Variants in ENTREP2 observed in about 807,000 individuals in gnomAD.
The protein encoded by ENTREP2 is endosomal transmembrane epsin interactor 2, also known as protein ENTREP2.
the ENTREP2 span, chr15:29,120,520 G>A: frequency 6.6e-6 from 1 of 152,228 alleles, no homozygotes; most frequent in Non-Finnish European, 1.5e-5. Flanking sequence ...CCTTGCGGAT[G>A]ATGCTCCCCC....
chr15:29,355,764 C>G, the ENTREP2 span, among the ~76,000 whole-genome samples: 1 of 152,064 alleles, frequency 6.6e-6, no homozygotes, highest in Non-Finnish European at 1.5e-5. Context: ...ATATATATCA[C>G]CCATGTCCCC....
the ENTREP2 span, among the ~76,000 whole-genome samples, chr15:29,590,461 TC>T: frequency 6.6e-6 from 1 of 152,060 alleles, no homozygotes; most frequent in African/African-American, 2.4e-5. Flanking sequence ...GGTGGGCAGA[TC>T]ACCTGAGGTC....
chr15:29,330,563 T>C, the ENTREP2 span, among the ~76,000 whole-genome samples: 2 of 152,182 alleles, frequency 1.3e-5, no homozygotes, highest in Admixed American at 6.5e-5. Context: ...TACGTAACAC[T>C]GACCAGTACT....
At chr15:29,623,104 G>A in the ENTREP2 span, among the ~76,000 whole-genome samples, 1 of 152,166 alleles carries the variant, frequency 6.6e-6, no homozygotes, top group Non-Finnish European at 1.5e-5. Context: ...AAAGAGTTAT[G>A]GGAGAAGGTG....
At chr15:29,253,785 T>A in the ENTREP2 span, among the ~76,000 whole-genome samples, 1 of 152,108 alleles carries the variant, frequency 6.6e-6, no homozygotes, top group Non-Finnish European at 1.5e-5. Context: ...TTTTTAATGA[T>A]GACAGACTCA....
chr15:29,339,304 G>A, the ENTREP2 span, among the ~76,000 whole-genome samples: 10 of 152,256 alleles, frequency 6.6e-5, no homozygotes, highest in African/African-American at 2.4e-4. Context: ...GGAGAAGGGG[G>A]TCAAATAAGG....
chr15:29,631,659 G>A, the ENTREP2 span, among the ~76,000 whole-genome samples: 3,555 of 152,304 alleles, frequency 0.023, 50 homozygotes, highest in Middle Eastern at 0.1. Context: ...TCTAGGCAGG[G>A]CTTAAAGAAT....
the ENTREP2 span, among the ~76,000 whole-genome samples, chr15:29,642,569 T>TAC: frequency 0.043 from 6,242 of 144,772 alleles, 147 homozygotes; most frequent in South Asian, 0.061. Flanking sequence ...ATATACTATA[T>TAC]ACTATATATA....
At chr15:29,434,237 G>GT in the ENTREP2 span, among the ~76,000 whole-genome samples, 5 of 152,326 alleles carry the variant, frequency 3.3e-5, no homozygotes, top group Admixed American at 3.3e-4. Context: ...CTATGAGCGA[G>GT]TATCTATGCA....
the ENTREP2 span, chr15:29,610,132 T>G: frequency 6.6e-6 from 1 of 150,666 alleles, no homozygotes. Flanking sequence ...AGAGTGGAGA[T>G]GCCTTTGTTG....
chr15:29,477,675 G>C, the ENTREP2 span, among the ~76,000 whole-genome samples: 1 of 152,110 alleles, frequency 6.6e-6, no homozygotes, highest in Admixed American at 6.6e-5. Flanking sequence ...AGGGGACCCT[G>C]TCCATCTCAG....
the ENTREP2 span, among the ~76,000 whole-genome samples, chr15:29,378,212 T>TA: frequency 0.37 from 54,243 of 145,422 alleles, 11,241 homozygotes; most frequent in African/African-American, 0.59. Context: ...TAAAAACTCT[T>TA]AAAAAAAAAA....
At chr15:29,201,226 AGTTAT>A in the ENTREP2 span, among the ~76,000 whole-genome samples, 4 of 152,246 alleles carry the variant, frequency 2.6e-5, no homozygotes, top group East Asian at 5.8e-4. Flanking sequence ...AAACAGAGTT[AGTTAT>A]ATTTGTTCTT....
the ENTREP2 span, among the ~76,000 whole-genome samples, chr15:29,620,567 G>A: frequency 6.6e-6 from 1 of 151,998 alleles, no homozygotes; most frequent in Non-Finnish European, 1.5e-5. Context: ...GAGCTCAGGA[G>A]TTCCAGGCTC....
chr15:29,376,168 G>A, the ENTREP2 span: 1 of 151,608 alleles, frequency 6.6e-6, no homozygotes, highest in Admixed American at 6.6e-5. Context: ...TCAACTCCAT[G>A]GTTATTAGTT....
chr15:29,151,661 G>A, the ENTREP2 span: 2 of 1,226,328 alleles, frequency 1.6e-6, no homozygotes, highest in Non-Finnish European at 2.3e-6. Context: ...CACAGCATCT[G>A]GCTGAAGCCA....
the ENTREP2 span, among the ~76,000 whole-genome samples, chr15:29,584,329 A>G: frequency 6.6e-6 from 1 of 152,222 alleles, no homozygotes; most frequent in East Asian, 1.9e-4. Flanking sequence ...TATATCTTGA[A>G]GAGATATCTG....
the ENTREP2 span, among the ~76,000 whole-genome samples, chr15:29,416,413 A>G: frequency 6.6e-6 from 1 of 152,260 alleles, no homozygotes; most frequent in Non-Finnish European, 1.5e-5. Flanking sequence ...TCCCTATTTA[A>G]TAAATGGTGT....
the ENTREP2 span, among the ~76,000 whole-genome samples, chr15:29,317,932 G>A: frequency 2.6e-5 from 4 of 152,202 alleles, no homozygotes; most frequent in Non-Finnish European, 5.9e-5. Flanking sequence ...AGATGAGGGT[G>A]TGGCTTTTGC....
Sources: allele counts gnomAD v4.1 joint callset (sites outside exome capture counted in the v4.1 genomes callset), GRCh38; gene constraint gnomAD v4.1.1; transcripts MANE v1.5; gene names NCBI Gene and HGNC (gene_info 2026-07-23, HGNC 2026-07-21).